PPP1CB: variants seen among roughly 807,000 people sequenced by gnomAD.
PPP1CB encodes serine/threonine-protein phosphatase PP1-beta catalytic subunit.
In PPP1CB, 2 loss-of-function variants were observed where a neutral mutation model predicts 43.7. The observed-to-expected ratio is 0.05, with a 90% CI of 0.02 to 0.14. The LOEUF (loss-of-function observed/expected upper bound fraction) is 0.14, where lower values mean the gene tolerates loss of function less well. PPP1CB is among the 10% of genes least tolerant of loss of function. The pLI, the probability that PPP1CB is intolerant of heterozygous loss-of-function variation, is 1.00. For missense variants in PPP1CB, 84 were observed against 398.0 expected (o/e 0.21, Z 6.71); for synonymous variants, 136 against 135.6 (o/e 1.00, Z -0.02).
chr2:28,761,054 C>T (rs1198425514), intron 1 of PPP1CB, among the ~76,000 whole-genome samples: 1 of 152,156 alleles, frequency 6.6e-6, no homozygotes, highest in East Asian at 1.9e-4. Context: ...GCGCCTGCCA[C>T]CATGCCCAGC....
At chr2:28,785,144 G>A (rs1039848009) in intron 5 of PPP1CB, among the ~76,000 whole-genome samples, 6 of 131,172 alleles carry the variant, frequency 4.6e-5, no homozygotes, top group Middle Eastern at 5.3e-3. Flanking sequence ...GTGCAACCTC[G>A]GCTCACTGCA....
chr2:28,757,507 C>T (rs920982605), intron 1 of PPP1CB, among the ~76,000 whole-genome samples: 2 of 152,114 alleles, frequency 1.3e-5, no homozygotes, highest in African/African-American at 2.4e-5. Flanking sequence ...ACCCAGCAAC[C>T]TAAAGGTTAG....
chr2:28,785,975 G>A (rs763690720), intron 5 of PPP1CB, among the ~76,000 whole-genome samples: 2 of 152,072 alleles, frequency 1.3e-5, no homozygotes, highest in Admixed American at 6.6e-5. Flanking sequence ...ATTTTAATGA[G>A]AAGTTTTCAA....
intron 1 of PPP1CB, among the ~76,000 whole-genome samples, chr2:28,765,241 A>G (rs1263561209): frequency 6.6e-6 from 1 of 152,180 alleles, no homozygotes; most frequent in African/African-American, 2.4e-5. Context: ...TTCAAAGTTA[A>G]TGTTCTCTGT....
intron 1 of PPP1CB, among the ~76,000 whole-genome samples, chr2:28,756,192 A>C (rs909399513): frequency 2.0e-5 from 3 of 152,242 alleles, no homozygotes; most frequent in African/African-American, 7.2e-5. Context: ...AGTTTTTCTT[A>C]AAGTATTTTT....
chr2:28,792,424 G>A (rs1667407874), intron 6 of PPP1CB, among the ~76,000 whole-genome samples: 1 of 152,130 alleles, frequency 6.6e-6, no homozygotes, highest in Non-Finnish European at 1.5e-5. Context: ...AGGAGGCTGA[G>A]GTGGGAAGAT....
At chr2:28,783,820 A>G (rs559877814) in intron 4 of PPP1CB, 87 bp from the exon 5 acceptor site, 11 of 903,360 alleles carry the variant, frequency 1.2e-5, no homozygotes, top group South Asian at 5.9e-5. Flanking sequence ...TAGTGAATCT[A>G]TTTTGATTAA....
At chr2:28,751,814 G>T (rs1480671162), upstream of PPP1CB, 6 of 456,636 alleles carry the variant, frequency 1.3e-5, no homozygotes, top group Admixed American at 2.1e-4. Context: ...GGCCGTCGGC[G>T]GCGCTGGTGA....
chr2:28,788,852 T>C (rs1558309368), intron 6 of PPP1CB, 43 bp downstream of exon 6: 1 of 1,532,988 alleles, frequency 6.5e-7, no homozygotes, highest in Non-Finnish European at 8.7e-7. Flanking sequence ...TTTTCTTTCT[T>C]TTTTTTGGGG....
At chr2:28,765,984 G>T (rs1467030824) in intron 1 of PPP1CB, among the ~76,000 whole-genome samples, 1 of 152,164 alleles carries the variant, frequency 6.6e-6, no homozygotes, top group Non-Finnish European at 1.5e-5. Flanking sequence ...TACCACAATG[G>T]AAGTTTCTCA....
At chr2:28,767,547 C>G (rs1232075764) in intron 1 of PPP1CB, among the ~76,000 whole-genome samples, 1 of 152,116 alleles carries the variant, frequency 6.6e-6, no homozygotes, top group African/African-American at 2.4e-5. Flanking sequence ...TCGTGACACC[C>G]ATGACGCTGC....
chr2:28,789,172 G>A (rs1389711202), intron 6 of PPP1CB, among the ~76,000 whole-genome samples: 2 of 152,118 alleles, frequency 1.3e-5, no homozygotes, highest in Non-Finnish European at 2.9e-5. Context: ...ACAATCTAGT[G>A]ATTTGTTAAC....
At chr2:28,773,559 A>C (rs1396829669) in intron 1 of PPP1CB, among the ~76,000 whole-genome samples, 3 of 152,246 alleles carry the variant, frequency 2.0e-5, no homozygotes, top group Non-Finnish European at 4.4e-5. Flanking sequence ...GCTGATTTAT[A>C]ATATTTTTAT....
chr2:28,783,306 A>C (rs1171618794), intron 4 of PPP1CB, among the ~76,000 whole-genome samples: 2 of 152,118 alleles, frequency 1.3e-5, no homozygotes, highest in Non-Finnish European at 2.9e-5. Context: ...AAGGCCAGGG[A>C]ATGATTGGAA....
rs887735878 is a variant in PPP1CB, at chr2:28,801,673, T to C, written c.*2370T>C. The C allele has an allele frequency of 3.3e-5, 5 of 152,186 alleles. No homozygotes were observed. The highest frequency in any genetic ancestry group is 1.2e-4 in the African/African-American group (5 of 41,446). 9.4% of individuals were successfully genotyped at this position (152,186 alleles called of 1,614,324 possible). A position where few individuals can be genotyped will look rare whatever the true frequency, so the allele number is the denominator to read the frequency against. On this transcript the variant is annotated 3_prime_UTR_variant, in exon 8 of 8. Coordinates refer to ENST00000395366, the MANE Select transcript of PPP1CB (RefSeq NM_002709.3). ...AGAAAATGATTCTGTAATTCCAGTG[T>C]CACTAATTTATATTGTTCTTTCCTC... is the stretch of plus-strand genomic sequence containing the variant.
intron 7 of PPP1CB, among the ~76,000 whole-genome samples, chr2:28,798,279 G>A (rs1667537376): frequency 6.6e-6 from 1 of 152,110 alleles, no homozygotes; most frequent in Non-Finnish European, 1.5e-5. Context: ...CAAGGATTTG[G>A]AGGCATTAGA....
intron 1 of PPP1CB, among the ~76,000 whole-genome samples, chr2:28,773,525 G>C (rs143804096): frequency 9.2e-5 from 14 of 152,288 alleles, no homozygotes; most frequent in African/African-American, 2.6e-4. Context: ...TTGATGTGAA[G>C]GTGCTTTGCA....
rs747710582 is a variant in PPP1CB, at chr2:28,788,828, T to C, written c.744+19T>C. 3.2e-6 allele frequency: 5 copies of C among 1,566,976 alleles called. No homozygotes were observed. The highest frequency in any genetic ancestry group is 2.3e-5 in the East Asian group (1 of 44,174). On this transcript the variant is annotated intron_variant, in intron 6 of 7. Coordinates refer to ENST00000395366, the MANE Select transcript of PPP1CB (RefSeq NM_002709.3). ...TCATCAGGTATGAAATATAAAACTC[T>C]TAAGCTTTTTCTTTTTTCTTTCTTT...
chr2:28,771,466 A>G (rs1391666515), intron 1 of PPP1CB, among the ~76,000 whole-genome samples: 4 of 152,202 alleles, frequency 2.6e-5, no homozygotes, highest in African/African-American at 4.8e-5. Context: ...GGATGTTTAT[A>G]TTACTAGATA....
Sources: allele counts gnomAD v4.1 joint callset (sites outside exome capture counted in the v4.1 genomes callset), GRCh38; gene constraint gnomAD v4.1.1; transcripts MANE v1.5; gene names NCBI Gene and HGNC (gene_info 2026-07-23, HGNC 2026-07-21).